SDK1: variants seen among roughly 807,000 people sequenced by gnomAD.
SDK1 encodes sidekick cell adhesion molecule 1.
In SDK1, 157 loss-of-function variants were observed where a neutral mutation model predicts 245.5. The ratio of observed to expected loss-of-function variants is 0.64; its 90% confidence interval spans 0.56 to 0.73. SDK1 has a LOEUF of 0.73. Ranked by LOEUF, SDK1 falls within the 30% of genes least tolerant of loss-of-function variation. The pLI, the probability that SDK1 is intolerant of heterozygous loss-of-function variation, is 0.00. For synonymous variants in SDK1, 1,647 were observed against 1,278.5 expected, an observed-to-expected ratio of 1.29 and a Z score of -6.15; for missense variants, 3,583 against 3,002.3, an observed-to-expected ratio of 1.19 and a Z score of -4.52.
intron 1 of SDK1, among the ~76,000 whole-genome samples, chr7:3,379,703 A>G (rs973401824): frequency 6.6e-5 from 10 of 152,184 alleles, no homozygotes; most frequent in African/African-American, 2.4e-4. Context: ...CAAACAATAA[A>G]TGGAAAAGCA....
At position 3,786,019 on chromosome 7, in the gene SDK1, C is replaced by G. The variant is rs9655329; in HGVS notation, c.714-35431C>G. Among the ~76,000 whole-genome samples the G allele has an allele frequency of 5.6e-3, 850 of 152,288 alleles. 9 individuals carry two copies. The highest frequency in any genetic ancestry group is 0.02 in the African/African-American group (817 of 41,560). ...GGATTTGTCATATAATGCAGTTGTG[C>G]TCGTGTAGGTAACACAAATGTGGTC... On this transcript the variant is annotated intron_variant, in intron 4 of 44. Transcript: ENST00000404826.
chr7:3,557,114 C>A (rs190677632), intron 1 of SDK1, among the ~76,000 whole-genome samples: 3 of 151,220 alleles, frequency 2.0e-5, no homozygotes, highest in Admixed American at 6.6e-5. Context: ...AAGCAAAAGT[C>A]GACAAAACTG....
At chr7:3,425,453 C>T (rs192441233) in intron 1 of SDK1, among the ~76,000 whole-genome samples, 1 of 152,258 alleles carries the variant, frequency 6.6e-6, no homozygotes, top group Admixed American at 6.5e-5. Flanking sequence ...TTGGCATAAA[C>T]TGAATAACTA....
intron 9 of SDK1, among the ~76,000 whole-genome samples, chr7:3,966,309 C>T (rs976987696): frequency 9.2e-5 from 14 of 152,102 alleles, no homozygotes; most frequent in South Asian, 8.3e-4. Flanking sequence ...CCCTGGGTCC[C>T]GTGAGGTCTA....
intron 1 of SDK1, among the ~76,000 whole-genome samples, chr7:3,551,827 C>G (rs939789680): frequency 6.6e-6 from 1 of 152,170 alleles, no homozygotes; most frequent in African/African-American, 2.4e-5. Context: ...AGGCATGAGC[C>G]ACTGCACCTG....
intron 1 of SDK1, among the ~76,000 whole-genome samples, chr7:3,610,311 A>G (rs1781549438): frequency 1.3e-5 from 2 of 152,170 alleles, no homozygotes; most frequent in African/African-American, 2.4e-5. Flanking sequence ...TCAGTTTTTT[A>G]TTTAATCAGG....
intron 5 of SDK1, among the ~76,000 whole-genome samples, chr7:3,903,116 AGTTT>A (rs1223632998): frequency 4.0e-5 from 6 of 151,286 alleles, no homozygotes; most frequent in African/African-American, 9.7e-5. Flanking sequence ...CAGGTTTTTT[AGTTT>A]GTTTGTTTGT....
intron 22 of SDK1, among the ~76,000 whole-genome samples, chr7:4,106,373 A>T (rs1782911870): frequency 1.3e-5 from 2 of 149,568 alleles, no homozygotes; most frequent in Admixed American, 6.7e-5. Flanking sequence ...GCATGATCTC[A>T]GCTCACTGTA....
intron 4 of SDK1, among the ~76,000 whole-genome samples, chr7:3,802,240 T>C (rs1398119946): frequency 6.6e-6 from 1 of 152,136 alleles, no homozygotes; most frequent in Non-Finnish European, 1.5e-5. Context: ...ACATCCACAA[T>C]ACAGTGCTGG....
At chr7:4,028,406 A>T (rs549776254) in intron 17 of SDK1, among the ~76,000 whole-genome samples, 15 of 152,348 alleles carry the variant, frequency 9.8e-5, no homozygotes, top group African/African-American at 3.6e-4. Flanking sequence ...ACAGCATGTG[A>T]CATGTGACAT....
intron 1 of SDK1, among the ~76,000 whole-genome samples, chr7:3,458,385 G>T (rs1780732579): frequency 6.6e-6 from 1 of 151,964 alleles, no homozygotes; most frequent in Admixed American, 6.6e-5. Context: ...CATAGAGTAG[G>T]TCCATATAAT....
chr7:4,174,341 A>C lies in SDK1; in HGVS notation c.4920A>C (p.Leu1640Phe). Residue 1640 changes from leucine to phenylalanine, a missense_variant, in exon 33 of 45, where the codon TTA (leucine) becomes TTC (phenylalanine). Coordinates refer to ENST00000404826, the MANE Select transcript of SDK1 (RefSeq NM_152744.4). ...EAKTLKNPIA[L>F]HAELTAQSSF... ...AGACGCTCAAAAACCCTATAGCTTT[A>C]CATGCTGAGCTCACAGGTGAGACTG... is the stretch of plus-strand genomic sequence containing the variant. 1 of 1,613,892 alleles carries C rather than the reference A, an allele frequency of 6.2e-7. No homozygotes were observed. The highest frequency in any genetic ancestry group is 2.2e-5 in the East Asian group (1 of 44,870).
chr7:3,474,438 A>G (rs1334326973), intron 1 of SDK1, among the ~76,000 whole-genome samples: 1 of 151,902 alleles, frequency 6.6e-6, no homozygotes, highest in Non-Finnish European at 1.5e-5. Flanking sequence ...CCTCCTGTCC[A>G]GTACCAACCC....
chr7:3,883,162 G>C (rs1374623211), intron 5 of SDK1, among the ~76,000 whole-genome samples: 1 of 152,144 alleles, frequency 6.6e-6, no homozygotes, highest in African/African-American at 2.4e-5. Context: ...AGATTCACGG[G>C]GTGGCCAGTG....
At chr7:4,097,474 T>G (rs1782227122) in intron 22 of SDK1, among the ~76,000 whole-genome samples, 1 of 152,198 alleles carries the variant, frequency 6.6e-6, no homozygotes, top group African/African-American at 2.4e-5. Flanking sequence ...TGTGAGCAGG[T>G]GGACAGGGCA....
At chr7:4,097,138 A>G (rs999109052) in intron 22 of SDK1, among the ~76,000 whole-genome samples, 48 of 152,246 alleles carry the variant, frequency 3.2e-4, no homozygotes, top group African/African-American at 1.1e-3. Context: ...GGTCAGGAGC[A>G]GCCCATCTCT....
Position 4,268,628 on chromosome 7 carries a change from C to T in SDK1, c.*3244C>T, listed in dbSNP as rs1788616272. The T allele has an allele frequency of 7.3e-7, 1 of 1,367,546 alleles. No individual in the cohort carries two copies. The highest frequency in any genetic ancestry group is 1.5e-5 in the African/African-American group (1 of 67,874). 84.7% of individuals were successfully genotyped at this position (1,367,546 alleles called of 1,614,324 possible). A position where few individuals can be genotyped will look rare whatever the true frequency, so the allele number is the denominator to read the frequency against. ...GACTGGGCTGAAGCATGATGTTTGC[C>T]TAATGGTTCGTAGCATGGTTTTTAT... On this transcript the variant is annotated 3_prime_UTR_variant, in exon 45 of 45. Transcript: ENST00000404826.
intron 5 of SDK1, among the ~76,000 whole-genome samples, chr7:3,947,437 G>C (rs1027586154): frequency 6.6e-6 from 1 of 151,938 alleles, no homozygotes; most frequent in Non-Finnish European, 1.5e-5. Flanking sequence ...CTACTGCACA[G>C]CTAGACAGTA....
At chr7:3,556,831 A>C (rs917969361) in intron 1 of SDK1, among the ~76,000 whole-genome samples, 1 of 152,086 alleles carries the variant, frequency 6.6e-6, no homozygotes, top group African/African-American at 2.4e-5. Context: ...AGAAGAGTAT[A>C]ATTGGATTGT....
Sources: allele counts gnomAD v4.1 joint callset (sites outside exome capture counted in the v4.1 genomes callset), GRCh38; gene constraint gnomAD v4.1.1; transcripts MANE v1.5; gene names NCBI Gene and HGNC (gene_info 2026-07-23, HGNC 2026-07-21).